RPS27A: variants seen among roughly 807,000 people sequenced by gnomAD.
RPS27A encodes the protein ubiquitin-ribosomal protein eS31 fusion protein.
In RPS27A, 1 loss-of-function variant was observed where a neutral mutation model predicts 18.9. The observed-to-expected ratio is 0.05, with a 90% CI of 0.02 to 0.25. RPS27A has a LOEUF of 0.25. Ranked by LOEUF, RPS27A falls within the 10% of genes least tolerant of loss-of-function variation. The pLI is 1.00. For synonymous variants in RPS27A, 77 were observed against 63.7 expected (o/e 1.21, Z -0.99); for missense variants, 123 against 187.4 (o/e 0.66, Z 2.01).
At chr2:55,235,280 A>G in intron 5 of RPS27A, 148 bp from the exon 6 acceptor site, 1 of 898,394 alleles carries the variant, frequency 1.1e-6, no homozygotes. Flanking sequence ...TGTAGCAATG[A>G]TAACTGGTGA....
chr2:55,232,742 G>C, intron 1 of RPS27A, 34 bp downstream of exon 1: 2 of 1,287,968 alleles, frequency 1.6e-6, no homozygotes, highest in Non-Finnish European at 1.1e-6. Flanking sequence ...TCTCGGGTTA[G>C]CACCCTATGG....
At chr2:55,233,586 A>G (rs1292610724) in intron 3 of RPS27A, 169 bp downstream of exon 3, 14 of 655,596 alleles carry the variant, frequency 2.1e-5, no homozygotes, top group South Asian at 5.0e-5. Flanking sequence ...CAGTACCTAG[A>G]TTGGAATCCT....
At chr2:55,232,979 G>T (rs1015433501) in intron 2 of RPS27A, 107 bp downstream of exon 2, 1 of 965,130 alleles carries the variant, frequency 1.0e-6, no homozygotes, top group Non-Finnish European at 1.6e-6. Context: ...CCGAATTTGG[G>T]TTCTAAAACT....
At chr2:55,234,714 A>T in intron 4 of RPS27A, 117 bp from the exon 5 acceptor site, 1 of 1,215,902 alleles carries the variant, frequency 8.2e-7, no homozygotes, top group Non-Finnish European at 1.2e-6. Flanking sequence ...TGGGGGCTGC[A>T]AGATTCCCTC....
intron 3 of RPS27A, chr2:55,233,788 C>G (rs1025433032): frequency 4.2e-6 from 2 of 473,818 alleles, no homozygotes; most frequent in African/African-American, 2.0e-5. Context: ...ACCACCATGC[C>G]TGGCTAATTT....
chr2:55,234,429 TGGGCA>T, intron 4 of RPS27A: 1 of 593,494 alleles, frequency 1.7e-6, no homozygotes, highest in Non-Finnish European at 3.0e-6. Context: ...CTCAAACTCC[TGGGCA>T]TAAGTGATCT....
chr2:55,234,037 G>C, intron 3 of RPS27A, 82 bp from the exon 4 acceptor site: 1 of 884,828 alleles, frequency 1.1e-6, no homozygotes, highest in Non-Finnish European at 1.9e-6. Flanking sequence ...TCATGTATTT[G>C]ATTAAGGGGT....
upstream of RPS27A, chr2:55,232,669 G>C (rs1173335500): frequency 1.4e-5 from 10 of 739,162 alleles, no homozygotes; most frequent in Non-Finnish European, 2.2e-5. Context: ...AAACCCCGTG[G>C]GCCTGCGCGG....
intron 3 of RPS27A, 135 bp from the exon 4 acceptor site, chr2:55,233,984 C>G: frequency 1.4e-6 from 1 of 731,614 alleles, no homozygotes; most frequent in Non-Finnish European, 2.5e-6. Context: ...AGATTTAGAA[C>G]CATGCCTAAC....
At chr2:55,232,632 G>T (rs1406696073), upstream of RPS27A, 4 of 669,282 alleles carry the variant, frequency 6.0e-6, no homozygotes, top group African/African-American at 1.8e-5. Flanking sequence ...TCGCCTAAGG[G>T]GTGGGTCCTT....
chr2:55,234,233 T>TAA, intron 4 of RPS27A, 29 bp downstream of exon 4: 3 of 1,393,228 alleles, frequency 2.2e-6, no homozygotes, highest in South Asian at 2.3e-5. Flanking sequence ...CAGCCTCTTT[T>TAA]AAAAAAAAAA....
chr2:55,234,178 A>G lies in RPS27A; in HGVS notation c.163A>G (p.Thr55Ala), dbSNP rs1246118259. 2 of 1,610,174 alleles carry G rather than the reference A, an allele frequency of 1.2e-6. No individual in the cohort carries two copies. Among genetic ancestry groups the G allele is most frequent in the South Asian group, 1.1e-5 (1 of 90,994 alleles). ...FAGKQLEDGRTLSDYNIQKES... is the reference protein window; with the variant it reads ...FAGKQLEDGRALSDYNIQKES... ...TGGCAAGCAGCTGGAAGATGGACGT[A>G]CTTTGTCTGACTACAATATTCAAAA... is the stretch of plus-strand genomic sequence containing the variant. Residue 55 changes from threonine to alanine, a missense_variant, in exon 4 of 6, where the codon ACT becomes GCT. This residue lies in a region of RPS27A where 66 missense variants were observed against 72.6 expected (regional missense o/e 0.91). Transcript: ENST00000272317.
In RPS27A at chr2:55,235,702, G is replaced by A. The variant is rs571763925; in HGVS notation, c.*125G>A. ...TCCTTTTAGTAGTGCTACTGCTATC[G>A]CTGTGTGAATGTTGCCTCTGGGGAT... On this transcript the variant is annotated 3_prime_UTR_variant, in exon 6 of 6. Transcript: ENST00000272317. 1.7e-5 allele frequency: 19 copies of A among 1,109,262 alleles called. No homozygotes were observed. The highest frequency in any genetic ancestry group is 1.7e-4 in the South Asian group (13 of 77,086). The allele number at this position is 1,109,262 out of a possible 1,614,324, so 68.7% of individuals were successfully genotyped here.
chr2:55,233,800 T>A, intron 3 of RPS27A: 1 of 474,896 alleles, frequency 2.1e-6, no homozygotes, highest in African/African-American at 1.9e-5. Flanking sequence ...GGCTAATTTA[T>A]TGTATTTTTA....
At chr2:55,234,407 G>A (rs1311472475) in intron 4 of RPS27A, 2 of 601,460 alleles carry the variant, frequency 3.3e-6, no homozygotes, top group Non-Finnish European at 5.9e-6. Context: ...CCGCCACCAT[G>A]CCCAGGCTGG....
intron 2 of RPS27A, 44 bp from the exon 3 acceptor site, chr2:55,233,319 T>C (rs372335056): frequency 5.8e-5 from 87 of 1,492,604 alleles, no homozygotes; most frequent in Non-Finnish European, 8.0e-5. Context: ...TCTGCTGTAG[T>C]TCCTTAATGT....
At chr2:55,234,040 T>A (rs1675660296) in intron 3 of RPS27A, 79 bp from the exon 4 acceptor site, 11 of 894,638 alleles carry the variant, frequency 1.2e-5, no homozygotes. Context: ...TGTATTTGAT[T>A]AAGGGGTGTT....
At chr2:55,234,988 C>T (rs1288248833) in intron 5 of RPS27A, 26 bp downstream of exon 5, 1 of 1,611,226 alleles carries the variant, frequency 6.2e-7, no homozygotes, top group Non-Finnish European at 8.5e-7. Flanking sequence ...GGCAGAATGT[C>T]AGCAAAGTCT....
At chr2:55,233,000 A>G (rs1675559829) in intron 2 of RPS27A, 128 bp downstream of exon 2, 1 of 828,960 alleles carries the variant, frequency 1.2e-6, no homozygotes, top group South Asian at 1.4e-5. Context: ...TAAGCTTTGA[A>G]ATGAGTACCT....
Sources: gnomAD v4.1 joint callset for allele counts on GRCh38, gnomAD v4.1.1 for gene constraint, gnomAD v4.1.1 regional missense constraint, MANE v1.5 for transcripts, NCBI Gene and HGNC (gene_info 2026-07-23, HGNC 2026-07-21) for gene names.